ASIC2: variants seen among roughly 807,000 people sequenced by gnomAD.
ASIC2 encodes acid-sensing ion channel 2.
Under a neutral mutation model 57.3 loss-of-function variants are expected in ASIC2, and 25 were observed. The observed-to-expected ratio is 0.44, with a 90% CI of 0.32 to 0.61. The LOEUF (loss-of-function observed/expected upper bound fraction) is 0.61. ASIC2 is among the 20% of genes least tolerant of loss of function. The probability of loss-of-function intolerance (pLI) is 0.06; values close to 1 mark genes in which losing one functional copy is unlikely to be tolerated. For synonymous variants in ASIC2, 319 were observed against 307.5 expected, an observed-to-expected ratio of 1.04 and a Z score of -0.39; for missense variants, 641 against 738.1, an observed-to-expected ratio of 0.87 and a Z score of 1.52.
At chr17:33,700,555 T>C (rs1057199046) in intron 1 of ASIC2, among the ~76,000 whole-genome samples, 1 of 152,120 alleles carries the variant, frequency 6.6e-6, no homozygotes, top group South Asian at 2.1e-4. Context: ...ATTATCAGAA[T>C]GGAGAAATAA....
At chr17:33,674,386 C>A (rs1465525765) in intron 1 of ASIC2, among the ~76,000 whole-genome samples, 2 of 152,092 alleles carry the variant, frequency 1.3e-5, no homozygotes, top group Non-Finnish European at 2.9e-5. Context: ...GGCCCTAGGA[C>A]AATTTTTGTT....
intron 3 of ASIC2, among the ~76,000 whole-genome samples, chr17:33,065,365 G>T (rs1260189366): frequency 6.6e-6 from 1 of 151,236 alleles, no homozygotes; most frequent in African/African-American, 2.4e-5. Flanking sequence ...TTGAGAATTG[G>T]GGTCTCACTA....
intron 1 of ASIC2, among the ~76,000 whole-genome samples, chr17:34,054,723 C>T (rs1255484326): frequency 6.6e-6 from 1 of 152,136 alleles, no homozygotes; most frequent in African/African-American, 2.4e-5. Context: ...ACATGCTTAA[C>T]CTCAGGGCTG....
At chr17:33,862,863 C>G (rs1265600854) in intron 1 of ASIC2, among the ~76,000 whole-genome samples, 2 of 152,166 alleles carry the variant, frequency 1.3e-5, no homozygotes, top group Non-Finnish European at 2.9e-5. Context: ...AGTTTCTTGA[C>G]CAGCGGTTGA....
intron 2 of ASIC2, among the ~76,000 whole-genome samples, chr17:33,092,801 T>G (rs8080183): frequency 2.6e-5 from 4 of 152,168 alleles, no homozygotes; most frequent in Non-Finnish European, 5.9e-5. Context: ...GCTGAGGGCA[T>G]GGGATATCTT....
At chr17:33,015,893 C>T (rs368500636) in intron 9 of ASIC2, 78 bp downstream of exon 9, 210 of 1,504,970 alleles carry the variant, frequency 1.4e-4, no homozygotes, top group Non-Finnish European at 1.6e-4. Flanking sequence ...CTTTCCTGCC[C>T]GGCCCCAGCA....
intron 1 of ASIC2, among the ~76,000 whole-genome samples, chr17:33,615,723 G>C (rs999629464): frequency 4.6e-5 from 7 of 152,144 alleles, no homozygotes; most frequent in African/African-American, 1.4e-4. Context: ...TTAGTTTTTA[G>C]ATTTTTCGGG....
intron 1 of ASIC2, among the ~76,000 whole-genome samples, chr17:33,523,197 G>T (rs1445910673): frequency 6.6e-6 from 1 of 152,164 alleles, no homozygotes; most frequent in Admixed American, 6.5e-5. Flanking sequence ...AAAGTACTCA[G>T]CCCCTCTGAA....
chr17:34,113,263 A>C (rs1271170919), intron 1 of ASIC2, among the ~76,000 whole-genome samples: 1 of 152,300 alleles, frequency 6.6e-6, no homozygotes, highest in Admixed American at 6.5e-5. Flanking sequence ...TGAGATTACT[A>C]AGTGTCAAGT....
intron 1 of ASIC2, among the ~76,000 whole-genome samples, chr17:33,639,463 T>C (rs992550803): frequency 2.0e-5 from 3 of 152,146 alleles, no homozygotes; most frequent in African/African-American, 7.2e-5. Context: ...TATGTTTATC[T>C]TACACCCACT....
intron 1 of ASIC2, among the ~76,000 whole-genome samples, chr17:33,505,615 A>G (rs1597755435): frequency 6.6e-6 from 1 of 152,172 alleles, no homozygotes; most frequent in African/African-American, 2.4e-5. Flanking sequence ...TATTGCAAAG[A>G]CCCTCTGTGA....
intron 1 of ASIC2, among the ~76,000 whole-genome samples, chr17:33,205,613 G>A (rs866955066): frequency 1.3e-5 from 2 of 152,158 alleles, no homozygotes; most frequent in South Asian, 4.1e-4. Flanking sequence ...ACATACTTGG[G>A]GAAACGCTTG....
At chr17:33,439,445 G>A (rs1911748905) in intron 1 of ASIC2, among the ~76,000 whole-genome samples, 1 of 152,130 alleles carries the variant, frequency 6.6e-6, no homozygotes. Flanking sequence ...TTCCCTGAGA[G>A]GACTTAAGAG....
intron 1 of ASIC2, among the ~76,000 whole-genome samples, chr17:33,799,408 TTTCTTTCTTTCTTTCTTTCTTCTTTC>T (rs1567718956): frequency 1.0e-3 from 66 of 63,094 alleles, no homozygotes; most frequent in African/African-American, 3.3e-3. Flanking sequence ...CTTTCTTTTC[TTTCTTTCTTTCTTTCTTTCTTCTTTC>T]TTTCTTTCTT....
chr17:33,145,768 A>G (rs1256928286), intron 1 of ASIC2, among the ~76,000 whole-genome samples: 1 of 152,242 alleles, frequency 6.6e-6, no homozygotes, highest in African/African-American at 2.4e-5. Context: ...GTGCTTAAAA[A>G]TGCTGGTTAC....
intron 1 of ASIC2, among the ~76,000 whole-genome samples, chr17:34,026,645 T>C (rs1333107839): frequency 1.3e-5 from 2 of 152,192 alleles, no homozygotes; most frequent in Non-Finnish European, 2.9e-5. Flanking sequence ...TTCTTTCTGC[T>C]CTCTCCATGG....
At chr17:33,684,150 C>T (rs1908102268) in intron 1 of ASIC2, among the ~76,000 whole-genome samples, 1 of 152,340 alleles carries the variant, frequency 6.6e-6, no homozygotes, top group African/African-American at 2.4e-5. Context: ...TAAGGATCTT[C>T]CATAAAAGGC....
At chr17:33,966,957 CCT>C (rs1222530869) in intron 1 of ASIC2, among the ~76,000 whole-genome samples, 1 of 152,084 alleles carries the variant, frequency 6.6e-6, no homozygotes, top group African/African-American at 2.4e-5. Context: ...GCCCTGCTCC[CCT>C]GTTTCTAGTG....
chr17:33,480,934 G>T (rs1597745107), intron 1 of ASIC2, among the ~76,000 whole-genome samples: 1 of 152,010 alleles, frequency 6.6e-6, no homozygotes, highest in South Asian at 2.1e-4. Flanking sequence ...AGTTCTCCAG[G>T]TTTGCTCTTT....
Sources: gnomAD v4.1 joint callset for allele counts (sites outside exome capture counted in the v4.1 genomes callset) on GRCh38, gnomAD v4.1.1 for gene constraint, MANE v1.5 for transcripts, NCBI Gene and HGNC (gene_info 2026-07-23, HGNC 2026-07-21) for gene names.